FH: variants seen among roughly 807,000 people sequenced by gnomAD.
The protein encoded by FH is fumarate hydratase.
A neutral mutation model predicts 49.4 loss-of-function variants in FH; 22 were observed. The observed-to-expected ratio is 0.45, with a 90% CI of 0.32 to 0.64. The LOEUF is 0.64. Ranked by LOEUF, FH falls within the 30% of genes least tolerant of loss-of-function variation. The probability of loss-of-function intolerance (pLI) is 0.05; values close to 1 mark genes in which losing one functional copy is unlikely to be tolerated. For missense variants in FH, 526 were observed against 641.5 expected, an observed-to-expected ratio of 0.82 and a Z score of 1.95; for synonymous variants, 208 against 223.0, an observed-to-expected ratio of 0.93 and a Z score of 0.60.
intron 5 of FH, among the ~76,000 whole-genome samples, chr1:241,507,294 C>G (rs1659955667): frequency 1.3e-5 from 2 of 152,098 alleles, no homozygotes; most frequent in South Asian, 2.1e-4. Context: ...GCCATATAGC[C>G]TAGGTGTATA....
chr1:241,512,119 G>T lies in FH; in HGVS notation c.403C>A (p.His135Asn). 1 of 1,613,608 alleles carries T rather than the reference G, an allele frequency of 6.2e-7. No homozygotes were observed. Among genetic ancestry groups the T allele is most frequent in the Admixed American group, 1.7e-5 (1 of 60,008 alleles). The change falls in exon 4 of 10, where the codon CAT becomes AAT. Residue 135 changes from histidine (H) to asparagine (N), a missense_variant. Physicochemically the swap from His to Asn is moderately conservative, Grantham distance 68. Transcript: ENST00000366560. Reference protein sequence around the residue: ...DEVAEGKLNDHFPLVVWQTGS... With the variant: ...DEVAEGKLNDNFPLVVWQTGS... ...GTCTGCCATACCACGAGAGGAAAAT[G>T]ATCATTTAATTTACCTTCAGCTACC...
rs1553340727 is a variant in FH, at chr1:241,500,602, T to TGAGAGAGTGAGA, written c.1237-13_1237-12insTCTCACTCTCTC. ...AACACATTTTTAATCTTTGAGTGAG[T>TGAGAGAGTGAGA]GAGAGAGAGAGAGAGAGAGAGAGAG... On this transcript the variant is annotated splice_polypyrimidine_tract_variant and intron_variant, in intron 8 of 9. Transcript: ENST00000366560. The TGAGAGAGTGAGA allele has an allele frequency of 7.6e-7, 1 of 1,312,730 alleles. No homozygotes were observed. The highest frequency in any genetic ancestry group is 1.6e-5 in the African/African-American group (1 of 61,204). The allele number at this position is 1,312,730 out of a possible 1,614,324, so 81.3% of individuals were successfully genotyped here. A position where few individuals can be genotyped will look rare whatever the true frequency, so the allele number is the denominator to read the frequency against.
intron 4 of FH, among the ~76,000 whole-genome samples, chr1:241,511,137 C>A (rs1319704493): frequency 2.0e-5 from 3 of 152,272 alleles, no homozygotes; most frequent in South Asian, 2.1e-4. Flanking sequence ...TTAGGAGATG[C>A]GGCCTTTGCA....
At chr1:241,502,662 A>G in intron 7 of FH, 92 bp from the exon 8 acceptor site, 1 of 1,447,610 alleles carries the variant, frequency 6.9e-7, no homozygotes, top group Non-Finnish European at 9.7e-7. Flanking sequence ...ATAGAGTAAG[A>G]TATACAATAA....
chr1:241,499,208 T>C (rs536764810), intron 9 of FH, among the ~76,000 whole-genome samples: 107 of 152,318 alleles, frequency 7.0e-4, no homozygotes, highest in African/African-American at 2.5e-3. Flanking sequence ...CAGAGGGTTG[T>C]AAGGCTCACA....
At chr1:241,511,862 A>C in intron 4 of FH, 105 bp downstream of exon 4, 1 of 1,112,066 alleles carries the variant, frequency 9.0e-7, no homozygotes, top group Admixed American at 1.7e-5. Context: ...TTATCCATTA[A>C]ATAATGAACA....
chr1:241,515,980 T>C (rs1660200921), intron 2 of FH, among the ~76,000 whole-genome samples: 1 of 152,202 alleles, frequency 6.6e-6, no homozygotes, highest in African/African-American at 2.4e-5. Flanking sequence ...TTATATATTA[T>C]CTATTATATG....
At chr1:241,501,873 T>G (rs1659790515) in intron 8 of FH, among the ~76,000 whole-genome samples, 1 of 152,206 alleles carries the variant, frequency 6.6e-6, no homozygotes, top group Non-Finnish European at 1.5e-5. Context: ...ACACAATGTT[T>G]TCAAGTATGT....
rs1659727083 is a variant in FH, at chr1:241,499,930, A to G, written c.1390+507T>C. Among the ~76,000 whole-genome samples, 4 of 152,220 alleles carry G rather than the reference A, an allele frequency of 2.6e-5. No homozygotes were observed. The South Asian group carries it at 8.3e-4, about 31-fold the overall frequency. On this transcript the variant is annotated intron_variant, in intron 9 of 9. Transcript: ENST00000366560. Reference sequence around the variant, plus strand: ...GCATGGTTTTAGACAAAATATTTGCATTTTCCTTCCTCCCTTTCACTATAA... The same window carrying G: ...GCATGGTTTTAGACAAAATATTTGCGTTTTCCTTCCTCCCTTTCACTATAA...
chr1:241,507,974 T>C (rs1659971368), intron 5 of FH, among the ~76,000 whole-genome samples: 1 of 152,180 alleles, frequency 6.6e-6, no homozygotes, highest in African/African-American at 2.4e-5. Context: ...CCTTAAGGCA[T>C]TGAAAAAGAA....
At chr1:241,501,542 T>C (rs554866151) in intron 8 of FH, among the ~76,000 whole-genome samples, 1 of 152,332 alleles carries the variant, frequency 6.6e-6, no homozygotes, top group African/African-American at 2.4e-5. Flanking sequence ...GCAAGAAATC[T>C]GTCTTTTCAT....
chr1:241,509,251 T>A (rs1420773374), intron 4 of FH, among the ~76,000 whole-genome samples: 1 of 152,066 alleles, frequency 6.6e-6, no homozygotes, highest in East Asian at 1.9e-4. Flanking sequence ...TTATAAAATC[T>A]TATAATTGAA....
chr1:241,512,907 G>A (rs970276536), intron 3 of FH, among the ~76,000 whole-genome samples: 10 of 133,216 alleles, frequency 7.5e-5, no homozygotes, highest in Admixed American at 2.2e-4. Flanking sequence ...CTCATGCAAT[G>A]AGGGTGTGTG....
intron 1 of FH, 65 bp downstream of exon 1, chr1:241,519,526 A>T: frequency 6.6e-7 from 1 of 1,507,016 alleles, no homozygotes; most frequent in Non-Finnish European, 8.9e-7. Flanking sequence ...GCGGGCGCCC[A>T]GGCCGGCAGG....
chr1:241,508,528 G>C (rs1451517181), intron 5 of FH, 75 bp downstream of exon 5: 2 of 1,357,850 alleles, frequency 1.5e-6, no homozygotes, highest in Admixed American at 1.7e-5. Context: ...TTTTAAGCTA[G>C]TCAGATTTCA....
rs1205896768 is a variant in FH at position 241,512,159 on chromosome 1, T to TA, written c.379-17dup. 5 of 1,609,272 alleles carry TA rather than the reference T, an allele frequency of 3.1e-6. No homozygotes were observed. Among genetic ancestry groups the TA allele is most frequent in the Non-Finnish European group, 8.5e-7 (1 of 1,175,900 alleles). ...CTTCAGCTACCTGCAGAAAAAATGT[T>TA]AAAAATGTATTTTAAAAAAGGAAAT... On this transcript the variant is annotated splice_polypyrimidine_tract_variant and intron_variant, in intron 3 of 9. Coordinates refer to ENST00000366560, the MANE Select transcript of FH (RefSeq NM_000143.4).
intron 5 of FH, among the ~76,000 whole-genome samples, chr1:241,508,149 G>A (rs1659976807): frequency 6.6e-6 from 1 of 152,148 alleles, no homozygotes. Flanking sequence ...TGATGATACT[G>A]ATGGAGATGA....
rs2147913140 is a variant in FH, at chr1:241,500,501, T to C, written c.1326A>G (p.Thr442=). Residue 442 remains threonine (T), a synonymous_variant, in exon 9 of 10, where the codon ACA becomes ACG. Transcript: ENST00000366560. Reference sequence around the variant, plus strand: ...CATTCATCAGCTTGTTGATCCTTTCTGTATTGGCCTGGATTCCCACCACGC... The same window carrying C: ...CATTCATCAGCTTGTTGATCCTTTCCGTATTGGCCTGGATTCCCACCACGC... The part of the protein sequence containing the change: ...ENCVVGIQAN[T]ERINKLMNES... 6.2e-7 allele frequency: 1 copy of C among 1,614,040 alleles called. No homozygotes were observed. The highest frequency in any genetic ancestry group is 8.5e-7 in the Non-Finnish European group (1 of 1,179,972).
rs1245975816 is a variant in FH, at chr1:241,508,469, T to G, written c.738+134A>C. Reference sequence around the variant, plus strand: ...GATGTCAATGAAAATTACTGATTGGTTGAACAGAACAACCTCTGTCACTGA... The same window carrying G: ...GATGTCAATGAAAATTACTGATTGGGTGAACAGAACAACCTCTGTCACTGA... On this transcript the variant is annotated intron_variant, in intron 5 of 9. Transcript: ENST00000366560. The G allele has an allele frequency of 1.4e-5, 10 of 735,236 alleles. No individual in the cohort carries two copies. The East Asian group carries it at 2.6e-4, about 19-fold the overall frequency. 45.5% of individuals were successfully genotyped at this position (735,236 alleles called of 1,614,324 possible).
Sources: gnomAD v4.1 joint callset for allele counts (sites outside exome capture counted in the v4.1 genomes callset) on GRCh38, gnomAD v4.1.1 for gene constraint, MANE v1.5 for transcripts, NCBI Gene and HGNC (gene_info 2026-07-23, HGNC 2026-07-21) for gene names.